PIGO: variants seen among roughly 807,000 people sequenced by gnomAD.
The protein encoded by PIGO is GPI ethanolamine phosphate transferase 3, catalytic subunit.
Under a neutral mutation model 86.9 loss-of-function variants are expected in PIGO, and 66 were observed. The observed-to-expected ratio is 0.76, with a 90% CI of 0.62 to 0.93. PIGO has a LOEUF of 0.93. PIGO is among the 40% of genes least tolerant of loss of function. The pLI is 0.00. For synonymous variants in PIGO, 570 were observed against 556.4 expected (o/e 1.02, Z -0.34); for missense variants, 1,202 against 1,359.1 (o/e 0.88, Z 1.82).
Position 35,095,362 on chromosome 9 carries a change from C to T in PIGO, c.204G>A (p.Ser68=), listed in dbSNP as rs769904371. 38 of 1,614,002 alleles carry T rather than the reference C, an allele frequency of 2.4e-5. No individual in the cohort carries two copies. The highest frequency in any genetic ancestry group is 4.5e-5 in the East Asian group (2 of 44,874). ...PGACWMASRF[S]RVVLVLIDAL... ...CATCTATCAGCACCAACACAACCCG[C>T]GAAAATCGGGAAGCCATCCAGCAGG... is the stretch of plus-strand genomic sequence containing the variant. The change falls in exon 2 of 11, where the codon TCG becomes TCA. Residue 68 remains serine (S), a synonymous_variant. Transcript: ENST00000378617.
rs1430596863 is a variant in PIGO at position 35,089,189 on chromosome 9, C to T, written c.3173G>A (p.Ser1058Asn). Reference protein sequence around the residue: ...FIFEAVGFIVSSVGLLLGIAL... With the variant: ...FIFEAVGFIVNSVGLLLGIAL... ...TATGCCCAGGAGAAGTCCCACGCTG[C>T]TCACAATGAAGCCCACAGCCTCAAA... is the stretch of plus-strand genomic sequence containing the variant. Residue 1058 changes from serine (S) to asparagine (N), a missense_variant, in exon 11 of 11, where the codon AGC (serine) becomes AAC (asparagine). Transcript: ENST00000378617. 6.2e-7 allele frequency: 1 copy of T among 1,614,224 alleles called. No individual in the cohort carries two copies. Among genetic ancestry groups the T allele is most frequent in the Middle Eastern group, 1.6e-4 (1 of 6,062 alleles).
In PIGO at chr9:35,092,725, G is replaced by A. The variant is rs1349471634; in HGVS notation, c.1162C>T (p.Leu388Phe). 6.2e-7 allele frequency: 1 copy of A among 1,612,690 alleles called. No individual in the cohort carries two copies. The highest frequency in any genetic ancestry group is 2.2e-5 in the East Asian group (1 of 44,882). Residue 388 changes from leucine (L) to phenylalanine (F), a missense_variant, in exon 7 of 11, where the codon CTT (leucine) becomes TTT (phenylalanine). By Grantham distance (22) the Leu-to-Phe change is conservative. Coordinates refer to ENST00000378617, the MANE Select transcript of PIGO (RefSeq NM_032634.4). ...AGCTGATGAAGCTCCTTAGCTTGAAGGTCCTGAGTAGCAGCTGAGTAGGTA... is the reference window on the plus strand; with the variant it reads ...AGCTGATGAAGCTCCTTAGCTTGAAAGTCCTGAGTAGCAGCTGAGTAGGTA... ...LHTYSAATQD[L>F]QAKELHQLQN...
Position 35,093,424 on chromosome 9 carries a change from T to A in PIGO, c.936A>T (p.Pro312=). ...SPTAVFPSTP[P]EEPEVIPQVS... is the part of the protein sequence containing the mutation. ...TGAGGAACATCCCAGGCCTCACCTCTGGTGGGGTGCTGGGGAAGACTGCTG... is the reference window on the plus strand; with the variant it reads ...TGAGGAACATCCCAGGCCTCACCTCAGGTGGGGTGCTGGGGAAGACTGCTG... The change falls in exon 5 of 11, where the codon CCA becomes CCT. Residue 312 remains proline, a synonymous_variant. Coordinates refer to ENST00000378617, the MANE Select transcript of PIGO (RefSeq NM_032634.4). 1 of 1,614,094 alleles carries A rather than the reference T, an allele frequency of 6.2e-7. No individual in the cohort carries two copies. Among genetic ancestry groups the A allele is most frequent in the Non-Finnish European group, 8.5e-7 (1 of 1,179,998 alleles).
Position 35,094,280 on chromosome 9 carries a change from T to C in PIGO, c.591A>G (p.Pro197=), listed in dbSNP as rs1564000769. The C allele has an allele frequency of 3.1e-6, 5 of 1,608,118 alleles. No individual in the cohort carries two copies. The highest frequency in any genetic ancestry group is 3.4e-6 in the Non-Finnish European group (4 of 1,178,562). ...TGTCTAGGTCTCTGACATTGAAGGA[T>C]GGGAAGAAGAAAGCTTTGGAGAAAG... ...PGAFSKAFFF[P]SFNVRDLDTV... Residue 197 remains proline, a synonymous_variant, in exon 3 of 11, where the codon CCA becomes CCG. Coordinates refer to ENST00000378617, the MANE Select transcript of PIGO (RefSeq NM_032634.4).
chr9:35,091,824 A>T lies in PIGO; in HGVS notation c.2063T>A (p.Leu688His), dbSNP rs1169642310. The T allele has an allele frequency of 6.2e-7, 1 of 1,613,920 alleles. No individual in the cohort carries two copies. Among genetic ancestry groups the T allele is most frequent in the East Asian group, 2.2e-5 (1 of 44,880 alleles). ...GCTCTTGAGATTACCATAGCGGCGA[A>T]GCCACAAGCGCACGGCAGCTAACAG... The part of the protein sequence containing the change: ...VALLAAVRLW[L>H]RRYGNLKSPE... The change falls in exon 7 of 11, where the codon CTT (leucine) becomes CAT (histidine). Residue 688 changes from leucine to histidine, a missense_variant. Physicochemically the swap from Leu to His is moderately conservative, Grantham distance 99 (BLOSUM62 -3). Transcript: ENST00000378617.
rs1265192200 is a variant in PIGO at position 35,093,531 on chromosome 9, C to G, written c.829G>C (p.Asp277His). The change falls in exon 5 of 11, where the codon GAC becomes CAC. Residue 277 changes from aspartate to histidine, a missense_variant. Coordinates refer to ENST00000378617, the MANE Select transcript of PIGO (RefSeq NM_032634.4). Reference sequence around the variant, plus strand: ...TCTCCATTTGTGGTCATCCCATGGTCCCCAGCCACTACCAGCAGTGTGTCA... The same window carrying G: ...TCTCCATTTGTGGTCATCCCATGGTGCCCAGCCACTACCAGCAGTGTGTCA... Reference protein sequence around the residue: ...ENDTLLVVAGDHGMTTNGDHG... With the variant: ...ENDTLLVVAGHHGMTTNGDHG... 1 of 1,614,028 alleles carries G rather than the reference C, an allele frequency of 6.2e-7. No individual in the cohort carries two copies. The highest frequency in any genetic ancestry group is 8.5e-7 in the Non-Finnish European group (1 of 1,179,990).
intron 10 of PIGO, 24 bp downstream of exon 10, chr9:35,089,356 T>C: frequency 6.2e-7 from 1 of 1,614,188 alleles, no homozygotes; most frequent in South Asian, 1.1e-5. Context: ...CCACCACCTC[T>C]ACTTCTCAAG....
At chr9:35,091,079 G>C in intron 7 of PIGO, 161 bp downstream of exon 7, 1 of 795,830 alleles carries the variant, frequency 1.3e-6, no homozygotes, top group Non-Finnish European at 1.9e-6. Context: ...GCTTGGCTAT[G>C]GCAGGTAAGA....
Position 35,092,940 on chromosome 9 carries a change from A to T in PIGO, c.1119+90T>A. The T allele has an allele frequency of 2.1e-6, 3 of 1,458,648 alleles. No individual in the cohort carries two copies. The South Asian group carries it at 4.0e-5, about 20-fold the overall frequency. The allele number at this position is 1,458,648 out of a possible 1,614,324, so 90.4% of individuals were successfully genotyped here. On this transcript the variant is annotated intron_variant, in intron 6 of 10. Transcript: ENST00000378617. ...GGGATAGGTATGGAAGGTGGGACTA[A>T]GACTAGTCAAAGGACAAAAGAGTGG...
rs758257961 is a variant in PIGO at position 35,091,426 on chromosome 9, G to A, written c.2461C>T (p.Leu821=). 2.4e-5 allele frequency: 38 copies of A among 1,614,228 alleles called. No homozygotes were observed. The highest frequency in any genetic ancestry group is 3.1e-5 in the Non-Finnish European group (37 of 1,180,030). The change falls in exon 7 of 11, where the codon CTG becomes TTG. Residue 821 remains leucine (L), a synonymous_variant. Coordinates refer to ENST00000378617, the MANE Select transcript of PIGO (RefSeq NM_032634.4). ...CCCAACTGATAAGCAGCCACAGTCA[G>A]GGGACCCTGAGATTTGGTCCTCTCT... ...RLERTKSQGP[L]TVAAYQLGSV... is the part of the protein sequence containing the mutation.
At chr9:35,089,692 T>C (rs564802327) in intron 9 of PIGO, 2 of 1,416,384 alleles carry the variant, frequency 1.4e-6, no homozygotes, top group South Asian at 3.1e-5. Context: ...ACTCAGGCTG[T>C]GCCCCCAGGA....
At position 35,090,050 on chromosome 9, in the gene PIGO, T is replaced by G; in HGVS notation, c.3069+16A>C. The G allele has an allele frequency of 6.2e-7, 1 of 1,601,024 alleles. No homozygotes were observed. The highest frequency in any genetic ancestry group is 1.7e-5 in the Admixed American group (1 of 59,198). ...GAGAAAAAACACCAACTCCCTGATC[T>G]CTCTCCTACACCCACCTGAATACCA... On this transcript the variant is annotated intron_variant, in intron 9 of 10. Transcript: ENST00000378617.
intron 8 of PIGO, 49 bp downstream of exon 8, chr9:35,090,417 C>A: frequency 6.4e-7 from 1 of 1,569,362 alleles, no homozygotes; most frequent in Non-Finnish European, 8.7e-7. Context: ...TCCTTTCTTT[C>A]CACAAAGCCA....
chr9:35,095,716 TCTC>T, intron 1 of PIGO, 150 bp from the exon 2 acceptor site: 7 of 1,042,310 alleles, frequency 6.7e-6, no homozygotes, highest in Non-Finnish European at 9.3e-6. Flanking sequence ...GCAATATTAC[TCTC>T]CTCCTATTTC....
chr9:35,089,172 G>A lies in PIGO; in HGVS notation c.3190C>T (p.Leu1064=), dbSNP rs770043371. The A allele has an allele frequency of 6.2e-7, 1 of 1,614,054 alleles. No homozygotes were observed. Among genetic ancestry groups the A allele is most frequent in the South Asian group, 1.1e-5 (1 of 91,088 alleles). The change falls in exon 11 of 11, where the codon CTG becomes TTG. Residue 1064 remains leucine (L), a synonymous_variant. Transcript: ENST00000378617. ...ACTCTCATCACCAAAGCTATGCCCA[G>A]GAGAAGTCCCACGCTGCTCACAATG... is the stretch of plus-strand genomic sequence containing the variant. ...GFIVSSVGLL[L]GIALVMRVDG...
rs1587165620 is a variant in PIGO, at chr9:35,092,126, C to T, written c.1761G>A (p.Gln587=). The T allele has an allele frequency of 1.2e-6, 2 of 1,614,222 alleles. No individual in the cohort carries two copies. Among genetic ancestry groups the T allele is most frequent in the South Asian group, 2.2e-5 (2 of 91,090 alleles). Residue 587 remains glutamine (Q), a synonymous_variant, in exon 7 of 11, where the codon CAG becomes CAA. Coordinates refer to ENST00000378617, the MANE Select transcript of PIGO (RefSeq NM_032634.4). The part of the protein sequence containing the change: ...LGSFILLLVV[Q]LHWEGQLLPP... ...GAAGCAGCTGGCCCTCCCAGTGAAGCTGGACAACCAGGAGCAGGATGAATG... is the reference window on the plus strand; with the variant it reads ...GAAGCAGCTGGCCCTCCCAGTGAAGTTGGACAACCAGGAGCAGGATGAATG...
At chr9:35,095,758 A>T in intron 1 of PIGO, 192 bp from the exon 2 acceptor site, 1 of 772,182 alleles carries the variant, frequency 1.3e-6, no homozygotes, top group Non-Finnish European at 1.9e-6. Flanking sequence ...TCACGCCTGT[A>T]ATCCCAGCAC....
At position 35,095,413 on chromosome 9, in the gene PIGO, T is replaced by C. The variant is rs758429983; in HGVS notation, c.153A>G (p.Pro51=). ...CCCCAGGTTTCCCTTGGCTCCCCCATGGCAGGGACCCAGGGCCTGGGGGCT... is the reference window on the plus strand; with the variant it reads ...CCCCAGGTTTCCCTTGGCTCCCCCACGGCAGGGACCCAGGGCCTGGGGGCT... ...CQEPPGPGSL[P]WGSQGKPGAC... The change falls in exon 2 of 11, where the codon CCA becomes CCG. Residue 51 remains proline (P), a synonymous_variant. Coordinates refer to ENST00000378617, the MANE Select transcript of PIGO (RefSeq NM_032634.4). 14 of 1,613,974 alleles carry C rather than the reference T, an allele frequency of 8.7e-6. No individual in the cohort carries two copies. Among genetic ancestry groups the C allele is most frequent in the Non-Finnish European group, 1.1e-5 (13 of 1,180,020 alleles).
Position 35,092,275 on chromosome 9 carries a change from G to C in PIGO, c.1612C>G (p.Pro538Ala), listed in dbSNP as rs763462649. 2 of 1,614,104 alleles carry C rather than the reference G, an allele frequency of 1.2e-6. No individual in the cohort carries two copies. Among genetic ancestry groups the C allele is most frequent in the African/African-American group, 2.7e-5 (2 of 74,944 alleles). ...KAWAGWGSKR[P>A]LATLFPIPGP... ...GGGATGGGAAACAGGGTTGCCAGGGGCCTCTTGGACCCCCAGCCAGCCCAG... is the reference window on the plus strand; with the variant it reads ...GGGATGGGAAACAGGGTTGCCAGGGCCCTCTTGGACCCCCAGCCAGCCCAG... Residue 538 changes from proline to alanine, a missense_variant, in exon 7 of 11, where the codon CCC becomes GCC. Physicochemically the swap from Pro to Ala is conservative, Grantham distance 27. Transcript: ENST00000378617.
Sources: allele counts gnomAD v4.1 joint callset, GRCh38; gene constraint gnomAD v4.1.1; transcripts MANE v1.5; gene names NCBI Gene and HGNC (gene_info 2026-07-23, HGNC 2026-07-21).